Variants in ESPL1 observed in about 807,000 individuals in gnomAD.
The protein encoded by ESPL1 is separin.
In ESPL1, 50 loss-of-function variants were observed where a neutral mutation model predicts 217.2. The ratio of observed to expected loss-of-function variants is 0.23; its 90% CI spans 0.18 to 0.29. The LOEUF is 0.29. ESPL1 is among the 10% of genes least tolerant of loss of function. The probability of loss-of-function intolerance (pLI) is 1.00; values close to 1 mark genes in which losing one functional copy is unlikely to be tolerated. For synonymous variants in ESPL1, 994 were observed against 1,081.3 expected (o/e 0.92, Z 1.58); for missense variants, 1,834 against 2,603.0 (o/e 0.70, Z 6.43).
At chr12:53,277,697 T>C in intron 10 of ESPL1, 89 bp downstream of exon 10, 1 of 1,567,964 alleles carries the variant, frequency 6.4e-7, no homozygotes, top group Non-Finnish European at 8.7e-7. Context: ...CCTGACCTTG[T>C]AGGGTAGGAG....
chr12:53,275,063 G>A (rs1235273067), intron 7 of ESPL1, 53 bp downstream of exon 7: 7 of 1,418,376 alleles, frequency 4.9e-6, no homozygotes, highest in African/African-American at 1.5e-5. Flanking sequence ...AGCACTTTGG[G>A]AAGCCGAGGC....
Position 53,286,399 on chromosome 12 carries a change from G to A in ESPL1, c.3663G>A (p.Glu1221=). The change falls in exon 18 of 31, where the codon GAG becomes GAA. Residue 1221 remains glutamate (E), a synonymous_variant. Transcript: ENST00000257934. The surrounding 1 kb of genome is among the most constrained non-coding windows in gnomAD (Gnocchi z 5.3). ...CCTTGGTTCCAAGCCTCTTGGATGA[G>A]ATCTTGGCTCAAGCATACACACTGT... ...PPSLVPSLLD[E]ILAQAYTLLA... 1 of 1,614,204 alleles carries A rather than the reference G, an allele frequency of 6.2e-7. No homozygotes were observed. Among genetic ancestry groups the A allele is most frequent in the Non-Finnish European group, 8.5e-7 (1 of 1,180,040 alleles).
At chr12:53,280,432 T>G (rs1448621445) in intron 12 of ESPL1, among the ~76,000 whole-genome samples, 1 of 152,148 alleles carries the variant, frequency 6.6e-6, no homozygotes, top group Non-Finnish European at 1.5e-5. Flanking sequence ...GTTTATAGCA[T>G]TCTGTTTTTA....
chr12:53,288,459 G>A (rs1040016184), intron 19 of ESPL1, 79 bp from the exon 20 acceptor site: 17 of 1,545,338 alleles, frequency 1.1e-5, no homozygotes, highest in African/African-American at 8.4e-5. Context: ...CTGACTCTAA[G>A]GGAGTGGATT....
Position 53,292,153 on chromosome 12 carries a change from C to T in ESPL1, c.5796+65C>T. 1 of 1,454,094 alleles carries T rather than the reference C, an allele frequency of 6.9e-7. No individual in the cohort carries two copies. Among genetic ancestry groups the T allele is most frequent in the Admixed American group, 1.7e-5 (1 of 59,718 alleles). 90.1% of individuals were successfully genotyped at this position (1,454,094 alleles called of 1,614,324 possible). A position where few individuals can be genotyped will look rare whatever the true frequency, so the allele number is the denominator to read the frequency against. On this transcript the variant is annotated intron_variant, in intron 27 of 30. Coordinates refer to ENST00000257934, the MANE Select transcript of ESPL1 (RefSeq NM_012291.5). The surrounding 1 kb of genome is among the most constrained non-coding windows in gnomAD (Gnocchi z 4.5). ...TGGGGAAGACGTCAACAAAGAAGGG[C>T]AGAGAAACCTGAGAAGATAGGAGAG... is the stretch of plus-strand genomic sequence containing the variant.
intron 24 of ESPL1, 24 bp from the exon 25 acceptor site, chr12:53,290,817 G>T (rs781626609): frequency 4.8e-6 from 6 of 1,261,708 alleles, no homozygotes; most frequent in Non-Finnish European, 6.1e-6. Flanking sequence ...CTCTCTGACT[G>T]AAGGGTCTGC....
chr12:53,291,072 G>A (rs1481078151), intron 25 of ESPL1, 76 bp downstream of exon 25: 10 of 1,311,444 alleles, frequency 7.6e-6, no homozygotes, highest in East Asian at 2.6e-5. Context: ...GGAGGCCAAG[G>A]CAGATGGATT....
rs760699643 is a variant in ESPL1, at chr12:53,277,873, A to G, written c.2277A>G (p.Thr759=). The G allele has an allele frequency of 6.2e-6, 10 of 1,614,098 alleles. No homozygotes were observed. The highest frequency in any genetic ancestry group is 4.0e-5 in the African/African-American group (3 of 74,930). ...TGGCCCTGTGGAAGGAGCTGCTTAC[A>G]AAGGGGCAGGCCCCAGCTGTACGGT... is the stretch of plus-strand genomic sequence containing the variant. ...QALALWKELL[T]KGQAPAVRCL... is the part of the protein sequence containing the mutation. Residue 759 remains threonine (T), a synonymous_variant, in exon 11 of 31, where the codon ACA becomes ACG. Transcript: ENST00000257934.
At position 53,276,677 on chromosome 12, in the gene ESPL1, G is replaced by A; in HGVS notation, c.1758G>A (p.Arg586=). The A allele has an allele frequency of 6.2e-7, 1 of 1,613,406 alleles. No homozygotes were observed. Among genetic ancestry groups the A allele is most frequent in the Admixed American group, 1.7e-5 (1 of 60,024 alleles). Residue 586 remains arginine (R), a synonymous_variant, in exon 8 of 31, where the codon AGG becomes AGA. Coordinates refer to ENST00000257934, the MANE Select transcript of ESPL1 (RefSeq NM_012291.5). The stretch of plus-strand genomic sequence containing the variant: ...CGGAGACCCTGGCCCTCCTGCTGAG[G>A]GAGGAGCTGCAGGCCTACAAGGCGG... ...WDPETLALLL[R]EELQAYKAVR... is the part of the protein sequence containing the mutation.
At chr12:53,287,364 T>C (rs1167784337) in intron 18 of ESPL1, 1 of 155,022 alleles carries the variant, frequency 6.5e-6, no homozygotes, top group Non-Finnish European at 1.4e-5. Flanking sequence ...TGAGCCACCA[T>C]GCTCAGCCTC....
At chr12:53,275,745 T>A (rs1210526165) in intron 7 of ESPL1, among the ~76,000 whole-genome samples, 21 of 148,368 alleles carry the variant, frequency 1.4e-4, no homozygotes, top group Non-Finnish European at 7.4e-5. Flanking sequence ...TTTTTTTTTT[T>A]AATAGAGACA....
In ESPL1 at chr12:53,290,894, G is replaced by A; in HGVS notation, c.5418G>A (p.Leu1806=). The change falls in exon 25 of 31, where the codon CTG becomes CTA. Residue 1806 remains leucine, a synonymous_variant. Coordinates refer to ENST00000257934, the MANE Select transcript of ESPL1 (RefSeq NM_012291.5). ...TGCTGGGCTGCTGGAAGGGGCTGCT[G>A]CTGCCGTCCAGTGAGGAGCCCGGCC... ...KSVLGCWKGL[L]LPSSEEPGPA... is the part of the protein sequence containing the mutation. 6.2e-7 allele frequency: 1 copy of A among 1,608,362 alleles called. No individual in the cohort carries two copies. The highest frequency in any genetic ancestry group is 1.1e-5 in the South Asian group (1 of 89,842).
In ESPL1 at chr12:53,292,916, T is replaced by C. The variant is rs1441067785; in HGVS notation, c.6107T>C (p.Val2036Ala). 2 of 1,613,858 alleles carry C rather than the reference T, an allele frequency of 1.2e-6. No individual in the cohort carries two copies. Among genetic ancestry groups the C allele is most frequent in the Non-Finnish European group, 1.7e-6 (2 of 1,180,030 alleles). ...LFGCSSAALA[V>A]RGNLEGAGIV... ...GGCTGTAGCAGTGCGGCCCTGGCTGTGCGTGGAAACCTGGAGGGGGCTGGC... is the reference window on the plus strand; with the variant it reads ...GGCTGTAGCAGTGCGGCCCTGGCTGCGCGTGGAAACCTGGAGGGGGCTGGC... The change falls in exon 30 of 31, where the codon GTG becomes GCG. Residue 2036 changes from valine (V) to alanine (A), a missense_variant. By Grantham distance (64) the Val-to-Ala change is moderately conservative (BLOSUM62 0). This residue lies in a region of ESPL1 where 295 missense variants were observed against 519.8 expected (regional missense o/e 0.57). Transcript: ENST00000257934. This position sits in a 1 kb window ranked among gnomAD's most constrained non-coding sequence, Gnocchi z 4.5.
In ESPL1 at chr12:53,288,549, C is replaced by G. The variant is rs754539128; in HGVS notation, c.4558C>G (p.Pro1520Ala). The change falls in exon 20 of 31, where the codon CCA (proline) becomes GCA (alanine). Residue 1520 changes from proline to alanine, a missense_variant. Around this residue, in one of 5 missense-constraint regions of ESPL1, gnomAD observed 681 missense variants for 808.0 expected, o/e 0.84. Coordinates refer to ENST00000257934, the MANE Select transcript of ESPL1 (RefSeq NM_012291.5). ...GEDSASGGKT[P>A]APGPEAASGE... ...TGCTCTCTCCCCAGGTGGGAAGACT[C>G]CAGCTCCGGGCCCTGAGGCAGCTTC... is the stretch of plus-strand genomic sequence containing the variant. The G allele has an allele frequency of 6.5e-5, 105 of 1,611,788 alleles. No individual in the cohort carries two copies. Among genetic ancestry groups the G allele is most frequent in the Non-Finnish European group, 8.8e-5 (104 of 1,179,272 alleles).
In ESPL1 at chr12:53,281,494, AT is replaced by A; in HGVS notation, c.2500-11del. The A allele has an allele frequency of 6.2e-7, 1 of 1,611,992 alleles. No individual in the cohort carries two copies. Among genetic ancestry groups the A allele is most frequent in the South Asian group, 1.1e-5 (1 of 90,894 alleles). ...GCTGCCTTTCCTCATGTGCCCTCTG[AT>A]TGCTTCCTTAGTTACACCTGGAAGA... On this transcript the variant is annotated splice_polypyrimidine_tract_variant and intron_variant, in intron 12 of 30. Transcript: ENST00000257934.
chr12:53,287,732 T>C (rs1463419183), intron 18 of ESPL1: 7 of 435,574 alleles, frequency 1.6e-5, no homozygotes, highest in Non-Finnish European at 2.9e-5. Context: ...TTTCCTTAAC[T>C]CTAATGTTTC....
In ESPL1 at chr12:53,286,831, T is replaced by C. The variant is rs1943957364; in HGVS notation, c.4095T>C (p.Phe1365=). The C allele has an allele frequency of 6.2e-7, 1 of 1,613,848 alleles. No homozygotes were observed. The highest frequency in any genetic ancestry group is 8.5e-7 in the Non-Finnish European group (1 of 1,179,998). The change falls in exon 18 of 31, where the codon TTT becomes TTC. Residue 1365 remains phenylalanine, a synonymous_variant. Transcript: ENST00000257934. This position sits in a 1 kb window ranked among gnomAD's most constrained non-coding sequence, Gnocchi z 5.3. ...QAGPHVPFTV[F]EEVCPTESKP... ...GCCCTCATGTCCCCTTCACGGTGTT[T>C]GAGGAAGTCTGCCCTACAGAGAGCA...
chr12:53,286,350 C>T lies in ESPL1; in HGVS notation c.3614C>T (p.Ser1205Phe). Residue 1205 changes from serine (S) to phenylalanine (F), a missense_variant, in exon 18 of 31, where the codon TCC becomes TTC. This residue lies in a region of ESPL1 where 681 missense variants were observed against 808.0 expected (regional missense o/e 0.84). Coordinates refer to ENST00000257934, the MANE Select transcript of ESPL1 (RefSeq NM_012291.5). This position sits in a 1 kb window ranked among gnomAD's most constrained non-coding sequence, Gnocchi z 5.3. ...CGCCTCACCCAAGCTCTCCAAGCTTCCCTGAATCATAAAACACCCCCCTCC... is the reference window on the plus strand; with the variant it reads ...CGCCTCACCCAAGCTCTCCAAGCTTTCCTGAATCATAAAACACCCCCCTCC... ...AERLTQALQA[S>F]LNHKTPPSLV... 1 of 1,614,238 alleles carries T rather than the reference C, an allele frequency of 6.2e-7. No individual in the cohort carries two copies. Among genetic ancestry groups the T allele is most frequent in the Non-Finnish European group, 8.5e-7 (1 of 1,180,042 alleles).
chr12:53,290,168 G>A lies in ESPL1; in HGVS notation c.5197G>A (p.Asp1733Asn). The change falls in exon 23 of 31, where the codon GAC (aspartate) becomes AAC (asparagine). Residue 1733 changes from aspartate to asparagine, a missense_variant. Physicochemically the swap from Asp to Asn is conservative, Grantham distance 23. Around this residue, in one of 5 missense-constraint regions of ESPL1, gnomAD observed 295 missense variants for 519.8 expected, o/e 0.57. Coordinates refer to ENST00000257934, the MANE Select transcript of ESPL1 (RefSeq NM_012291.5). Reference sequence around the variant, plus strand: ...CCTCCTGCTGACCCGGCTGGAAAAGGACAGTCCCCCAGTCAGTGTGCAGAT... The same window carrying A: ...CCTCCTGCTGACCCGGCTGGAAAAGAACAGTCCCCCAGTCAGTGTGCAGAT... The part of the protein sequence containing the change: ...NTLLLTRLEK[D>N]SPPVSVQIPT... The A allele has an allele frequency of 6.2e-7, 1 of 1,614,192 alleles. No individual in the cohort carries two copies. Among genetic ancestry groups the A allele is most frequent in the Non-Finnish European group, 8.5e-7 (1 of 1,180,032 alleles).
Sources: gnomAD v4.1 joint callset for allele counts (sites outside exome capture counted in the v4.1 genomes callset) on GRCh38, gnomAD v4.1.1 for gene constraint, gnomAD v4.1.1 regional missense constraint, Gnocchi (gnomAD v3.1) non-coding constraint, MANE v1.5 for transcripts, NCBI Gene and HGNC (gene_info 2026-07-23, HGNC 2026-07-21) for gene names.